Variants in SELE observed in about 807,000 individuals in gnomAD.
The protein encoded by SELE is selectin E.
Under a neutral mutation model 75.8 loss-of-function variants are expected in SELE, and 52 were observed. The observed-to-expected ratio is 0.69, with a 90% CI of 0.55 to 0.86. The LOEUF (loss-of-function observed/expected upper bound fraction) is 0.86, where lower values mean the gene tolerates loss of function less well. SELE is among the 40% of genes least tolerant of loss of function. The probability of loss-of-function intolerance (pLI) is 0.00; values close to 1 mark genes in which losing one functional copy is unlikely to be tolerated. For synonymous variants in SELE, 285 were observed against 258.7 expected (o/e 1.10, Z -0.98); for missense variants, 754 against 732.7 (o/e 1.03, Z -0.34).
chr1:169,725,944 C>A lies in SELE; in HGVS notation c.1754-16G>T, dbSNP rs921198867. On this transcript the variant is annotated splice_polypyrimidine_tract_variant and intron_variant, in intron 11 of 13. Coordinates refer to ENST00000333360, the MANE Select transcript of SELE (RefSeq NM_000450.2). ...AATTTCTTTGCTGCAAAAGAAAAGA[C>A]AAACAACCATTAATTCAGACTAAAT... is the stretch of plus-strand genomic sequence containing the variant. 17 of 1,613,700 alleles carry A rather than the reference C, an allele frequency of 1.1e-5. No individual in the cohort carries two copies. In the Middle Eastern group the frequency reaches 8.3e-4, roughly 78 times the overall value.
intron 2 of SELE, 82 bp downstream of exon 2, chr1:169,733,494 G>T: frequency 7.3e-7 from 1 of 1,369,804 alleles, no homozygotes; most frequent in Non-Finnish European, 1.0e-6. Context: ...GTGCAGGACA[G>T]CCCCAGACAA....
chr1:169,732,948 C>G lies in SELE; in HGVS notation c.88G>C (p.Ala30Pro), dbSNP rs1190321991. 1.2e-6 allele frequency: 2 copies of G among 1,611,904 alleles called. No individual in the cohort carries two copies. Among genetic ancestry groups the G allele is most frequent in the Admixed American group, 3.4e-5 (2 of 59,672 alleles). Residue 30 changes from alanine (A) to proline (P), a missense_variant, in exon 3 of 14, where the codon GCT becomes CCT. Coordinates refer to ENST00000333360, the MANE Select transcript of SELE (RefSeq NM_000450.2). ...GCACTGGCCTCATCATAAGTCATAGCTTCCGTGGAGGTGTTGTAAGACCAG... is the reference window on the plus strand; with the variant it reads ...GCACTGGCCTCATCATAAGTCATAGGTTCCGTGGAGGTGTTGTAAGACCAG... ...GAWSYNTSTE[A>P]MTYDEASAYC...
intron 7 of SELE, 55 bp downstream of exon 7, chr1:169,729,131 A>G: frequency 1.3e-6 from 2 of 1,492,680 alleles, no homozygotes; most frequent in Non-Finnish European, 1.8e-6. Context: ...TCACTGTCCA[A>G]GTTTGAAGAT....
intron 7 of SELE, 137 bp downstream of exon 7, chr1:169,729,049 T>A: frequency 1.4e-6 from 1 of 723,098 alleles, no homozygotes; most frequent in Non-Finnish European, 2.2e-6. Flanking sequence ...TTCTTTTAAA[T>A]GAATCTCAAA....
At position 169,730,523 on chromosome 1, in the gene SELE, G is replaced by A. The variant is rs746383296; in HGVS notation, c.624C>T (p.Ile208=). The change falls in exon 5 of 14, where the codon ATC becomes ATT. Residue 208 remains isoleucine (I), a synonymous_variant. Transcript: ENST00000333360. The part of the protein sequence containing the change: ...GNFSYNSSCS[I]SCDRGYLPSS... The stretch of plus-strand genomic sequence containing the variant: ...TTGGCAGGTAACCCCTATCACAGCT[G>A]ATAGAGCAGGAAGAATTGTAGCTGA... The A allele has an allele frequency of 8.1e-6, 13 of 1,613,876 alleles. No individual in the cohort carries two copies. The highest frequency in any genetic ancestry group is 1.1e-5 in the Non-Finnish European group (13 of 1,179,932).
chr1:169,733,287 T>C (rs970741012), intron 2 of SELE, among the ~76,000 whole-genome samples: 2 of 152,210 alleles, frequency 1.3e-5, no homozygotes, highest in Non-Finnish European at 2.9e-5. Flanking sequence ...GAGCACTTAG[T>C]ATGCACCAAG....
chr1:169,725,949 A>G, intron 11 of SELE, 21 bp from the exon 12 acceptor site: 1 of 1,613,746 alleles, frequency 6.2e-7, no homozygotes, highest in East Asian at 2.2e-5. Flanking sequence ...AAAGACAAAC[A>G]ACCATTAATT....
At position 169,727,940 on chromosome 1, in the gene SELE, A is replaced by G. The variant is rs1159649836; in HGVS notation, c.1280-13T>C. The G allele has an allele frequency of 6.2e-7, 1 of 1,609,478 alleles. No homozygotes were observed. Among genetic ancestry groups the G allele is most frequent in the Non-Finnish European group, 8.5e-7 (1 of 1,177,534 alleles). On this transcript the variant is annotated splice_polypyrimidine_tract_variant and intron_variant, in intron 8 of 13. Transcript: ENST00000333360. ...TCGCATCTCACAGCTGGAACACACG[A>G]GAGAGCACTTTAGAAGTTTGTTTGC... is the stretch of plus-strand genomic sequence containing the variant.
intron 4 of SELE, 44 bp from the exon 5 acceptor site, chr1:169,730,661 A>C: frequency 8.2e-7 from 1 of 1,223,850 alleles, no homozygotes; most frequent in Non-Finnish European, 1.1e-6. Flanking sequence ...TCTCACCTTT[A>C]ACAGATAAGA....
At position 169,729,292 on chromosome 1, in the gene SELE, T is replaced by C. The variant is rs776917626; in HGVS notation, c.984A>G (p.Lys328=). The C allele has an allele frequency of 7.4e-5, 120 of 1,614,016 alleles. No individual in the cohort carries two copies. Among genetic ancestry groups the C allele is most frequent in the Admixed American group, 1.5e-4 (9 of 60,002 alleles). ...SHSPAGEFTF[K]SSCNFTCEEG... ...CCTCACAGGTGAAGTTGCAGGATGA[T>C]TTGAAGGTGAACTCTCCAGCAGGGG... The change falls in exon 7 of 14, where the codon AAA becomes AAG. Residue 328 remains lysine (K), a synonymous_variant. Transcript: ENST00000333360.
Position 169,732,888 on chromosome 1 carries a change from T to C in SELE, c.148A>G (p.Ile50Val), listed in dbSNP as rs997506992. ...CQQRYTHLVA[I>V]QNKEEIEYLN... ...TACTCAATCTCTTCTTTGTTTTGAA[T>C]TGCAACCAGGTGTGTGTACCTTTGC... The change falls in exon 3 of 14, where the codon ATT becomes GTT. Residue 50 changes from isoleucine to valine, a missense_variant. Ile to Val is a conservative substitution (Grantham distance 29). Coordinates refer to ENST00000333360, the MANE Select transcript of SELE (RefSeq NM_000450.2). 3.8e-5 allele frequency: 62 copies of C among 1,614,022 alleles called. No homozygotes were observed. Among genetic ancestry groups the C allele is most frequent in the Non-Finnish European group, 4.9e-5 (58 of 1,180,012 alleles).
chr1:169,723,985 TAACAACCCTCC>T lies in SELE; in HGVS notation c.*529_*539del, dbSNP rs1648686329. ...GAGCATTCAGTAGGATTTGCACCAT[TAACAACCCTCC>T]ATGCATTTGCCTGTGGGCATTCAAC... On this transcript the variant is annotated 3_prime_UTR_variant, in exon 14 of 14. Transcript: ENST00000333360. The T allele has an allele frequency of 6.6e-6, 1 of 152,228 alleles. No individual in the cohort carries two copies. Among genetic ancestry groups the T allele is most frequent in the South Asian group, 2.1e-4 (1 of 4,830 alleles). The allele number at this position is 152,228 out of a possible 1,614,324, so 9.4% of individuals were successfully genotyped here. A position where few individuals can be genotyped will look rare whatever the true frequency, so the allele number is the denominator to read the frequency against.
intron 13 of SELE, 89 bp downstream of exon 13, chr1:169,725,640 G>T: frequency 1.9e-6 from 2 of 1,075,930 alleles, no homozygotes; most frequent in Non-Finnish European, 2.8e-6. Context: ...CCCTCCCTAA[G>T]ATATTGGCAA....
At chr1:169,731,307 C>T (rs1648906246) in intron 4 of SELE, among the ~76,000 whole-genome samples, 1 of 152,180 alleles carries the variant, frequency 6.6e-6, no homozygotes, top group African/African-American at 2.4e-5. Context: ...GAGAGAAGCT[C>T]ATCTAACTCT....
intron 4 of SELE, 85 bp from the exon 5 acceptor site, chr1:169,730,702 T>G (rs912130654): frequency 6.4e-6 from 5 of 780,694 alleles, no homozygotes; most frequent in African/African-American, 3.6e-5. Flanking sequence ...AGTTTGGTTT[T>G]TTTTTTTTTT....
At chr1:169,726,247 A>T (rs180863864) in intron 11 of SELE, among the ~76,000 whole-genome samples, 53 of 152,352 alleles carry the variant, frequency 3.5e-4, no homozygotes, top group East Asian at 2.9e-3. Context: ...AAACGTCAGA[A>T]CTTAACTCAA....
In SELE at chr1:169,723,336, A is replaced by G. The variant is rs1407007475; in HGVS notation, c.*1189T>C. On this transcript the variant is annotated 3_prime_UTR_variant, in exon 14 of 14. Coordinates refer to ENST00000333360, the MANE Select transcript of SELE (RefSeq NM_000450.2). ...TTTTACATGGTGAGTTTCTATTGTG[A>G]ATTTAAAATCTTCCATAATATACAA... is the stretch of plus-strand genomic sequence containing the variant. The G allele has an allele frequency of 6.6e-6, 1 of 152,230 alleles. No individual in the cohort carries two copies. The allele number at this position is 152,230 out of a possible 1,614,324, so 9.4% of individuals were successfully genotyped here.
intron 5 of SELE, 69 bp downstream of exon 5, chr1:169,730,363 T>A: frequency 7.5e-7 from 1 of 1,326,040 alleles, no homozygotes; most frequent in Non-Finnish European, 1.0e-6. Context: ...AAAATGTAAG[T>A]TGAATCAAAA....
At chr1:169,733,863 A>T in intron 1 of SELE, 108 bp downstream of exon 1, 1 of 549,918 alleles carries the variant, frequency 1.8e-6, no homozygotes, top group Non-Finnish European at 3.2e-6. Context: ...GACAGGTTTT[A>T]GCTACAATAC....
Sources: gnomAD v4.1 joint callset for allele counts (sites outside exome capture counted in the v4.1 genomes callset) on GRCh38, gnomAD v4.1.1 for gene constraint, MANE v1.5 for transcripts, NCBI Gene and HGNC (gene_info 2026-07-23, HGNC 2026-07-21) for gene names.